Variants in AUTS2 observed in about 807,000 individuals in gnomAD.
AUTS2 encodes the protein activator of transcription and developmental regulator AUTS2.
A neutral mutation model predicts 112.4 loss-of-function variants in AUTS2; 17 were observed. The ratio of observed to expected loss-of-function variants is 0.15; its 90% CI spans 0.10 to 0.23. The LOEUF is 0.23. AUTS2 is among the 10% of genes least tolerant of loss of function. The pLI is 1.00. For missense variants in AUTS2, 1,510 were observed against 1,701.6 expected (o/e 0.89, Z 1.98); for synonymous variants, 751 against 702.7 (o/e 1.07, Z -1.09).
chr7:69,970,878 G>T (rs1797821624), intron 2 of AUTS2, among the ~76,000 whole-genome samples: 1 of 152,128 alleles, frequency 6.6e-6, no homozygotes, highest in South Asian at 2.1e-4. Flanking sequence ...GCACGTAATA[G>T]ATATTTATTC....
intron 1 of AUTS2, among the ~76,000 whole-genome samples, chr7:69,817,270 G>T (rs1295891617): frequency 6.6e-6 from 1 of 152,240 alleles, no homozygotes; most frequent in Non-Finnish European, 1.5e-5. Context: ...ATGAACAGCT[G>T]TGTTTTCGAT....
At chr7:69,755,489 G>T (rs1787908819) in intron 1 of AUTS2, among the ~76,000 whole-genome samples, 1 of 152,028 alleles carries the variant, frequency 6.6e-6, no homozygotes, top group South Asian at 2.1e-4. Flanking sequence ...TAATTGTGTT[G>T]CTGAGTTTAA....
intron 1 of AUTS2, among the ~76,000 whole-genome samples, chr7:69,810,123 C>T (rs1790483888): frequency 6.6e-6 from 1 of 152,202 alleles, no homozygotes; most frequent in African/African-American, 2.4e-5. Flanking sequence ...CGTCCAGGCA[C>T]TCTCCACTCC....
chr7:70,001,528 T>C (rs554492036), intron 2 of AUTS2, among the ~76,000 whole-genome samples: 4 of 152,188 alleles, frequency 2.6e-5, no homozygotes, highest in South Asian at 4.2e-4. Context: ...GATTCATGAA[T>C]TCTAATTTTG....
At chr7:70,010,336 G>T (rs996124887) in intron 2 of AUTS2, among the ~76,000 whole-genome samples, 5 of 152,036 alleles carry the variant, frequency 3.3e-5, no homozygotes, top group African/African-American at 1.2e-4. Flanking sequence ...GTAGAGACTG[G>T]GGTCTCACTC....
At chr7:69,729,969 GT>G (rs201092103) in intron 1 of AUTS2, among the ~76,000 whole-genome samples, 4 of 81,954 alleles carry the variant, frequency 4.9e-5, no homozygotes, top group East Asian at 3.9e-4. Context: ...TAACTGGTAT[GT>G]TTTTTTTTGT....
chr7:70,444,292 G>C (rs1796230549), intron 5 of AUTS2, among the ~76,000 whole-genome samples: 1 of 151,794 alleles, frequency 6.6e-6, no homozygotes. Flanking sequence ...TACTGTATTA[G>C]GGTTGCAGAG....
At chr7:70,371,203 C>A (rs1452583359) in intron 4 of AUTS2, among the ~76,000 whole-genome samples, 1 of 152,130 alleles carries the variant, frequency 6.6e-6, no homozygotes, top group African/African-American at 2.4e-5. Flanking sequence ...AATATACCAG[C>A]GTTCAGGCCC....
At chr7:69,664,412 C>T (rs1351299813) in intron 1 of AUTS2, among the ~76,000 whole-genome samples, 1 of 152,148 alleles carries the variant, frequency 6.6e-6, no homozygotes, top group East Asian at 1.9e-4. Context: ...ATAAGGCTGG[C>T]AAAGTTCCAA....
At chr7:69,829,022 T>C (rs904585036) in intron 1 of AUTS2, among the ~76,000 whole-genome samples, 3 of 152,176 alleles carry the variant, frequency 2.0e-5, no homozygotes, top group African/African-American at 7.2e-5. Context: ...CAAAACAGCA[T>C]GGTAGTGGTA....
chr7:69,807,401 A>C (rs1261714852), intron 1 of AUTS2, among the ~76,000 whole-genome samples: 1 of 152,168 alleles, frequency 6.6e-6, no homozygotes, highest in Admixed American at 6.5e-5. Flanking sequence ...ATCTTAGTTT[A>C]TGTGGGTCAG....
Position 69,871,879 on chromosome 7 carries a change from G to A in AUTS2, c.310-27407G>A, listed in dbSNP as rs139010158. ...TAGTTGACTATGGGTGACTGAAATT[G>A]TGAAACTGGAGATAAGGGGGACTGC... On this transcript the variant is annotated intron_variant, in intron 1 of 18. Coordinates refer to ENST00000342771, the MANE Select transcript of AUTS2 (RefSeq NM_015570.4). 2.1e-3 allele frequency among the ~76,000 whole-genome samples: 324 copies of A among 152,280 alleles called. 1 individual carries two copies. The highest frequency in any genetic ancestry group is 7.5e-3 in the African/African-American group (310 of 41,566).
chr7:70,424,350 A>G (rs17488414), intron 4 of AUTS2, among the ~76,000 whole-genome samples: 14,540 of 152,216 alleles, frequency 0.096, 788 homozygotes, highest in Middle Eastern at 0.19. Flanking sequence ...TTTGCCAAGC[A>G]ATCAATCAGG....
chr7:70,282,102 A>G (rs6460541), intron 4 of AUTS2, among the ~76,000 whole-genome samples: 49,665 of 152,052 alleles, frequency 0.33, 8,719 homozygotes, highest in African/African-American at 0.46. Flanking sequence ...TATTTGGGGT[A>G]CCCATACCTT....
At chr7:70,247,437 G>A (rs1279009285) in intron 4 of AUTS2, among the ~76,000 whole-genome samples, 1 of 152,000 alleles carries the variant, frequency 6.6e-6, no homozygotes, top group Non-Finnish European at 1.5e-5. Flanking sequence ...TTCTGGAGCT[G>A]GATGGTGGTG....
chr7:70,183,122 T>A (rs1283482309), intron 4 of AUTS2, among the ~76,000 whole-genome samples: 1 of 152,180 alleles, frequency 6.6e-6, no homozygotes, highest in African/African-American at 2.4e-5. Flanking sequence ...CTGGAGATGA[T>A]CTATAATATT....
intron 5 of AUTS2, among the ~76,000 whole-genome samples, chr7:70,692,258 T>G (rs1344126597): frequency 6.6e-6 from 1 of 152,244 alleles, no homozygotes; most frequent in African/African-American, 2.4e-5. Context: ...GCTGGTCAGC[T>G]AAGCTGCCAT....
chr7:70,136,949 A>G (rs934858277), intron 4 of AUTS2, among the ~76,000 whole-genome samples: 3 of 152,210 alleles, frequency 2.0e-5, no homozygotes, highest in African/African-American at 4.8e-5. Context: ...GAGTATATAC[A>G]TGTGCAGGTG....
intron 4 of AUTS2, among the ~76,000 whole-genome samples, chr7:70,366,994 T>A (rs1444682533): frequency 1.3e-5 from 2 of 152,124 alleles, no homozygotes; most frequent in Admixed American, 1.3e-4. Context: ...TTAGAAATAC[T>A]GATTTATGGG....
Sources: gnomAD v4.1 joint callset for allele counts (sites outside exome capture counted in the v4.1 genomes callset) on GRCh38, gnomAD v4.1.1 for gene constraint, MANE v1.5 for transcripts, NCBI Gene and HGNC (gene_info 2026-07-23, HGNC 2026-07-21) for gene names.